The following ZNF384 variants were observed in gnomAD, a reference collection of about 807,000 sequenced individuals.
ZNF384 encodes CAG repeat protein 1.
In ZNF384, 20 loss-of-function variants were observed where a neutral mutation model predicts 65.0. That is an observed-to-expected ratio of 0.31 (90% CI 0.22 to 0.45). The LOEUF (loss-of-function observed/expected upper bound fraction) is 0.45, where lower values mean the gene tolerates loss of function less well. ZNF384 is among the 20% of genes least tolerant of loss of function. The pLI is 1.00. For synonymous variants in ZNF384, 310 were observed against 303.9 expected, an observed-to-expected ratio of 1.02 and a Z score of -0.21; for missense variants, 549 against 769.4, an observed-to-expected ratio of 0.71 and a Z score of 3.39.
chr12:6,680,647 C>CAGA (rs1955579940), intron 2 of ZNF384, among the ~76,000 whole-genome samples: 1 of 103,326 alleles, frequency 9.7e-6, no homozygotes, highest in African/African-American at 3.6e-5. Flanking sequence ...AATTCCGTCT[C>CAGA]AAAAAAAAAA....
At position 6,678,156 on chromosome 12, in the gene ZNF384, A is replaced by G. The variant is rs1340810595; in HGVS notation, c.657T>C (p.Asp219=). ...AGGTCTTGCCGTCTTTCTGATGGTCATCATCATCCTCAGGGGAGAGGACAT... is the reference window on the plus strand; with the variant it reads ...AGGTCTTGCCGTCTTTCTGATGGTCGTCATCATCCTCAGGGGAGAGGACAT... ...DPYVLSPEDD[D]DHQKDGKTYR... is the part of the protein sequence containing the mutation. Residue 219 remains aspartate (D), a synonymous_variant, in exon 6 of 12, where the codon GAT becomes GAC. Transcript: ENST00000683879. This position sits in a 1 kb window ranked among gnomAD's most constrained non-coding sequence, Gnocchi z 4.9. 1 of 1,613,296 alleles carries G rather than the reference A, an allele frequency of 6.2e-7. No homozygotes were observed. The highest frequency in any genetic ancestry group is 8.5e-7 in the Non-Finnish European group (1 of 1,179,386).
intron 2 of ZNF384, among the ~76,000 whole-genome samples, chr12:6,685,038 C>T (rs1259070746): frequency 6.6e-6 from 1 of 152,110 alleles, no homozygotes; most frequent in African/African-American, 2.4e-5. Flanking sequence ...ACAGAGAGTG[C>T]CAATTTTAAT....
chr12:6,680,201 G>A (rs1955398553), intron 2 of ZNF384, among the ~76,000 whole-genome samples: 3 of 152,176 alleles, frequency 2.0e-5, no homozygotes, highest in African/African-American at 7.2e-5. Flanking sequence ...CTAGGCTCAA[G>A]GGATCAGCCC....
rs780399871 is a variant in ZNF384, at chr12:6,678,357, G to A, written c.456C>T (p.Pro152=). ...CAACCTGCAGGGCTTGTGAGCCAGG[G>A]GGAAGAGCTGAGACAATCATGGGAG... ...ISAPMIVSAL[P]PGSQALQVVP... The change falls in exon 6 of 12, where the codon CCC becomes CCT. Residue 152 remains proline, a synonymous_variant. Coordinates refer to ENST00000683879, the MANE Select transcript of ZNF384 (RefSeq NM_001385745.1). The surrounding 1 kb of genome is among the most constrained non-coding windows in gnomAD (Gnocchi z 4.9). The A allele has an allele frequency of 6.2e-7, 1 of 1,614,092 alleles. No individual in the cohort carries two copies. The highest frequency in any genetic ancestry group is 1.1e-5 in the South Asian group (1 of 91,064).
At chr12:6,674,055 T>C (rs1952576841) in intron 7 of ZNF384, among the ~76,000 whole-genome samples, 1 of 152,204 alleles carries the variant, frequency 6.6e-6, no homozygotes, top group Admixed American at 6.5e-5. Flanking sequence ...ATCCATCATC[T>C]ACCCACCCCT....
At chr12:6,671,062 A>T (rs558129089) in intron 9 of ZNF384, among the ~76,000 whole-genome samples, 4 of 152,076 alleles carry the variant, frequency 2.6e-5, no homozygotes, top group African/African-American at 9.7e-5. Flanking sequence ...CTGCTGGGGG[A>T]GGAGAGACTG....
rs1423891519 is a variant in ZNF384, at chr12:6,669,011, A to T, written c.1425+20T>A. Reference sequence around the variant, plus strand: ...CTCTTAGAGGACTATGAGGAAGGAGAGAAGAAACGGAGCACTCACTGATGT... The same window carrying T: ...CTCTTAGAGGACTATGAGGAAGGAGTGAAGAAACGGAGCACTCACTGATGT... On this transcript the variant is annotated intron_variant, in intron 11 of 11. Coordinates refer to ENST00000683879, the MANE Select transcript of ZNF384 (RefSeq NM_001385745.1). 2 of 1,586,130 alleles carry T rather than the reference A, an allele frequency of 1.3e-6. No individual in the cohort carries two copies. The highest frequency in any genetic ancestry group is 1.7e-6 in the Non-Finnish European group (2 of 1,160,956).
At position 6,678,642 on chromosome 12, in the gene ZNF384, C is replaced by G. The variant is rs531353731; in HGVS notation, c.352+21G>C. ...GTCTCCTAACCCTTGTCCCCACCCC[C>G]CTGGTAACAGTGAGATTTACCCCTT... is the stretch of plus-strand genomic sequence containing the variant. On this transcript the variant is annotated intron_variant, in intron 5 of 11. Transcript: ENST00000683879. This position sits in a 1 kb window ranked among gnomAD's most constrained non-coding sequence, Gnocchi z 4.9. 2.0e-5 allele frequency: 33 copies of G among 1,613,264 alleles called. No homozygotes were observed. The highest frequency in any genetic ancestry group is 4.5e-5 in the East Asian group (2 of 44,874).
intron 2 of ZNF384, among the ~76,000 whole-genome samples, chr12:6,685,954 G>C (rs1422049474): frequency 6.6e-6 from 1 of 152,068 alleles, no homozygotes; most frequent in East Asian, 1.9e-4. Flanking sequence ...GTGAAACACG[G>C]TAGGACTTGA....
Position 6,667,993 on chromosome 12 carries a change from C to CTGAGCCTGGGCTTGAGCT in ZNF384, c.1530_1547dup (p.Gln522_Ala527dup), listed in dbSNP as rs781364024. On this transcript the variant is annotated inframe_insertion, in exon 12 of 12. Coordinates refer to ENST00000683879, the MANE Select transcript of ZNF384 (RefSeq NM_001385745.1). ...CCTGGGCCTGGGCTTGAGCCTGAGCCTGAGCCTGGGCTTGAGCTTGAGCCT... is the reference window on the plus strand; with the variant it reads ...CCTGGGCCTGGGCTTGAGCCTGAGCCTGAGCCTGGGCTTGAGCTTGAGCCTGGGCTTGAGCTTGAGCCT... 5.0e-6 allele frequency: 8 copies of CTGAGCCTGGGCTTGAGCT among 1,612,960 alleles called. No individual in the cohort carries two copies. In the South Asian group the frequency reaches 7.7e-5, roughly 16 times the overall value.
chr12:6,672,497 G>C lies in ZNF384; in HGVS notation c.1040C>G (p.Pro347Arg). ...CTTGGAGCAGTGCGGGCACTTGTGG[G>C]GCTTGATGGTCTCCGTGTGCATCTT... is the stretch of plus-strand genomic sequence containing the variant. ...HSKMHTETIK[P>R]HKCPHCSKTF... The change falls in exon 9 of 12, where the codon CCC (proline) becomes CGC (arginine). Residue 347 changes from proline (P) to arginine (R), a missense_variant. By Grantham distance (103) the Pro-to-Arg change is moderately radical (BLOSUM62 -2). Transcript: ENST00000683879. The surrounding 1 kb of genome is among the most constrained non-coding windows in gnomAD (Gnocchi z 4.4). 2 of 1,614,142 alleles carry C rather than the reference G, an allele frequency of 1.2e-6. No homozygotes were observed. Among genetic ancestry groups the C allele is most frequent in the Non-Finnish European group, 1.7e-6 (2 of 1,180,022 alleles).
chr12:6,687,600 G>A (rs1407023314), intron 2 of ZNF384, among the ~76,000 whole-genome samples: 1 of 152,024 alleles, frequency 6.6e-6, no homozygotes, highest in East Asian at 1.9e-4. Context: ...AGTCTACTCC[G>A]TACAGTTTTA....
chr12:6,678,860 C>A lies in ZNF384; in HGVS notation c.304+86G>T. 1 of 1,485,814 alleles carries A rather than the reference C, an allele frequency of 6.7e-7. No homozygotes were observed. Among genetic ancestry groups the A allele is most frequent in the Non-Finnish European group, 9.3e-7 (1 of 1,071,746 alleles). 92.0% of individuals were successfully genotyped at this position (1,485,814 alleles called of 1,614,324 possible). On this transcript the variant is annotated intron_variant, in intron 4 of 11. Transcript: ENST00000683879. The surrounding 1 kb of genome is among the most constrained non-coding windows in gnomAD (Gnocchi z 4.9). Reference sequence around the variant, plus strand: ...ATTGAATAATCAAACACATATCCCACTCCCCATGTCCTTGGAGCCCTCCAG... The same window carrying A: ...ATTGAATAATCAAACACATATCCCAATCCCCATGTCCTTGGAGCCCTCCAG...
At chr12:6,682,318 TC>T (rs1956284449) in intron 2 of ZNF384, among the ~76,000 whole-genome samples, 1 of 128,678 alleles carries the variant, frequency 7.8e-6, no homozygotes. Context: ...AGACCCCAAC[TC>T]CAAAACAAAA....
rs566204903 is a variant in ZNF384, at chr12:6,666,925, T to G, written c.*789A>C. 91 of 200,986 alleles carry G rather than the reference T, an allele frequency of 4.5e-4. No individual in the cohort carries two copies. The highest frequency in any genetic ancestry group is 2.0e-3 in the African/African-American group (88 of 43,204). The allele number at this position is 200,986 out of a possible 1,614,324, so 12.5% of individuals were successfully genotyped here. A position where few individuals can be genotyped will look rare whatever the true frequency, so the allele number is the denominator to read the frequency against. On this transcript the variant is annotated 3_prime_UTR_variant, in exon 12 of 12. Transcript: ENST00000683879. ...AACTCTCCCTTCTCCGCAACACCCC[T>G]GTTTTGGAGTTTCACAGATAACACA...
At position 6,678,124 on chromosome 12, in the gene ZNF384, T is replaced by TA. The variant is rs1477098211; in HGVS notation, c.686+2dup. Reference sequence around the variant, plus strand: ...CCATCCTGCCCCTGGCTCTGAGTCTTACCTGTAGGTCTTGCCGTCTTTCTG... The same window carrying TA: ...CCATCCTGCCCCTGGCTCTGAGTCTTAACCTGTAGGTCTTGCCGTCTTTCTG... On this transcript the variant is annotated splice_region_variant and intron_variant, in intron 6 of 11. Coordinates refer to ENST00000683879, the MANE Select transcript of ZNF384 (RefSeq NM_001385745.1). This position sits in a 1 kb window ranked among gnomAD's most constrained non-coding sequence, Gnocchi z 4.9. The TA allele has an allele frequency of 1.2e-6, 2 of 1,608,174 alleles. No individual in the cohort carries two copies. The highest frequency in any genetic ancestry group is 1.7e-6 in the Non-Finnish European group (2 of 1,175,780).
Position 6,673,451 on chromosome 12 carries a change from T to C in ZNF384, c.780-11A>G, listed in dbSNP as rs373315238. 16 of 1,612,796 alleles carry C rather than the reference T, an allele frequency of 9.9e-6. No individual in the cohort carries two copies. The East Asian group carries it at 1.1e-4, about 11-fold the overall frequency. On this transcript the variant is annotated splice_polypyrimidine_tract_variant and intron_variant, in intron 7 of 11. Coordinates refer to ENST00000683879, the MANE Select transcript of ZNF384 (RefSeq NM_001385745.1). The surrounding 1 kb of genome is among the most constrained non-coding windows in gnomAD (Gnocchi z 4.7). Reference sequence around the variant, plus strand: ...GAGCACATCCGGCACCTGAGCCAAGTGAGGGCAATGGTTAGAACCCTTCCC... The same window carrying C: ...GAGCACATCCGGCACCTGAGCCAAGCGAGGGCAATGGTTAGAACCCTTCCC...
At position 6,678,470 on chromosome 12, in the gene ZNF384, G is replaced by C. The variant is rs1432278592; in HGVS notation, c.353-10C>G. On this transcript the variant is annotated splice_polypyrimidine_tract_variant and intron_variant, in intron 5 of 11. Coordinates refer to ENST00000683879, the MANE Select transcript of ZNF384 (RefSeq NM_001385745.1). This position sits in a 1 kb window ranked among gnomAD's most constrained non-coding sequence, Gnocchi z 4.9. ...ATTACCAAACCCGGACCTAGGATTG[G>C]GAGAAAAAGGAGATGGCGTCATGTT... 7 of 1,567,946 alleles carry C rather than the reference G, an allele frequency of 4.5e-6. No homozygotes were observed. The highest frequency in any genetic ancestry group is 3.5e-5 in the South Asian group (3 of 86,866).
At position 6,678,660 on chromosome 12, in the gene ZNF384, T is replaced by A. The variant is rs1334382524; in HGVS notation, c.352+3A>T. ...CCACCCCCCTGGTAACAGTGAGATT[T>A]ACCCCTTGATTGACTCCCTTCTCTT... On this transcript the variant is annotated splice_donor_region_variant and intron_variant, in intron 5 of 11. Transcript: ENST00000683879. The surrounding 1 kb of genome is among the most constrained non-coding windows in gnomAD (Gnocchi z 4.9). 6.2e-7 allele frequency: 1 copy of A among 1,613,364 alleles called. No individual in the cohort carries two copies. Among genetic ancestry groups the A allele is most frequent in the Non-Finnish European group, 8.5e-7 (1 of 1,179,744 alleles).
Sources: gnomAD v4.1 joint callset for allele counts (sites outside exome capture counted in the v4.1 genomes callset) on GRCh38, gnomAD v4.1.1 for gene constraint, Gnocchi (gnomAD v3.1) non-coding constraint, MANE v1.5 for transcripts, NCBI Gene and HGNC (gene_info 2026-07-23, HGNC 2026-07-21) for gene names.